The following FPGS variants were observed in gnomAD, a reference collection of about 807,000 sequenced individuals.
FPGS encodes folylpolyglutamate synthase.
In FPGS, 53 loss-of-function variants were observed where a neutral mutation model predicts 66.5. That is an observed-to-expected ratio of 0.80 (90% CI 0.64 to 1.00). The LOEUF (loss-of-function observed/expected upper bound fraction) is 1.00. FPGS is among the 50% of genes least tolerant of loss of function. The probability of loss-of-function intolerance (pLI) is 0.00; values close to 1 mark genes in which losing one functional copy is unlikely to be tolerated. For missense variants in FPGS, 702 were observed against 807.7 expected (o/e 0.87, Z 1.59); for synonymous variants, 348 against 350.9 (o/e 0.99, Z 0.09).
At chr9:127,813,085 G>C in intron 14 of FPGS, 110 bp from the exon 15 acceptor site, 1 of 1,456,836 alleles carries the variant, frequency 6.9e-7, no homozygotes, top group South Asian at 1.4e-5. Context: ...GCCTGATGAC[G>C]TAAAAGGCTT....
At chr9:127,809,439 G>A (rs1829966025) in intron 11 of FPGS, among the ~76,000 whole-genome samples, 1 of 152,180 alleles carries the variant, frequency 6.6e-6, no homozygotes, top group Non-Finnish European at 1.5e-5. Flanking sequence ...CCCAGCTAAG[G>A]GCTCTCAGGC....
chr9:127,802,905 C>CTGCCGGGGGCGCCGGGACTA lies in FPGS; in HGVS notation c.-17_3dup. The CTGCCGGGGGCGCCGGGACTA allele has an allele frequency of 7.4e-7, 1 of 1,353,410 alleles. No homozygotes were observed. The highest frequency in any genetic ancestry group is 9.4e-7 in the Non-Finnish European group (1 of 1,059,156). 83.8% of individuals were successfully genotyped at this position (1,353,410 alleles called of 1,614,324 possible). A position where few individuals can be genotyped will look rare whatever the true frequency, so the allele number is the denominator to read the frequency against. On this transcript the variant is annotated 5_prime_UTR_variant, in exon 1 of 15. In the 5' UTR this introduces an upstream ATG that the reference lacks. Coordinates refer to ENST00000373247, the MANE Select transcript of FPGS (RefSeq NM_004957.6). ...GCGTCTCCCGCCCGGGCCTAGAGCG[C>CTGCCGGGGGCGCCGGGACTA]TGCCGGGGGCGCCGGGACTATGTCG...
At chr9:127,814,382 C>T (rs1830230200), downstream of FPGS, 2 of 159,100 alleles carry the variant, frequency 1.3e-5, no homozygotes, top group African/African-American at 4.8e-5. Context: ...CACGGTGGCT[C>T]ACGCCTGTAA....
At chr9:127,804,925 A>G (rs562800787) in intron 4 of FPGS, 35 of 512,700 alleles carry the variant, frequency 6.8e-5, no homozygotes, top group African/African-American at 3.8e-4. Flanking sequence ...GTCTCACTCT[A>G]TCGCCCAGGC....
In FPGS at chr9:127,813,910, G is replaced by A; in HGVS notation, c.*306G>A. ...TCCTGGCTCAGGCCCAGCTTATTGT[G>A]TGCGCTGCCTGGCCAGGCCCTGGGT... On this transcript the variant is annotated 3_prime_UTR_variant, in exon 15 of 15. Transcript: ENST00000373247. 8.6e-7 allele frequency: 1 copy of A among 1,162,380 alleles called. No individual in the cohort carries two copies. Among genetic ancestry groups the A allele is most frequent in the Non-Finnish European group, 1.1e-6 (1 of 943,894 alleles). The allele number at this position is 1,162,380 out of a possible 1,614,324, so 72.0% of individuals were successfully genotyped here. A position where few individuals can be genotyped will look rare whatever the true frequency, so the allele number is the denominator to read the frequency against.
At chr9:127,808,502 G>T in intron 9 of FPGS, 56 bp from the exon 10 acceptor site, 1 of 1,602,696 alleles carries the variant, frequency 6.2e-7, no homozygotes. Flanking sequence ...AGAGATGCAA[G>T]GGCTGACGTG....
Position 127,804,276 on chromosome 9 carries a change from G to T in FPGS, c.139-9G>T. Reference sequence around the variant, plus strand: ...CCTTAACCTACTATCTGGGCACTGTGGTTGCCAGGATGCCGTGCGCATGCT... The same window carrying T: ...CCTTAACCTACTATCTGGGCACTGTTGTTGCCAGGATGCCGTGCGCATGCT... On this transcript the variant is annotated splice_polypyrimidine_tract_variant and intron_variant, in intron 1 of 14. Coordinates refer to ENST00000373247, the MANE Select transcript of FPGS (RefSeq NM_004957.6). The T allele has an allele frequency of 6.2e-7, 1 of 1,613,526 alleles. No homozygotes were observed. Among genetic ancestry groups the T allele is most frequent in the Non-Finnish European group, 8.5e-7 (1 of 1,179,668 alleles).
chr9:127,803,419 CAG>C, intron 1 of FPGS: 2 of 1,040,080 alleles, frequency 1.9e-6, no homozygotes, highest in Non-Finnish European at 2.3e-6. Context: ...GGAAGAGACT[CAG>C]GAATTCAGGC....
Position 127,807,193 on chromosome 9 carries a change from T to C in FPGS, c.502-16T>C, listed in dbSNP as rs1320320911. ...GCTGCATGGGCTCTGGGCCCTGACA[T>C]GTCCCTGTGCCACAGGATGGCAGCT... On this transcript the variant is annotated splice_polypyrimidine_tract_variant and intron_variant, in intron 5 of 14. Coordinates refer to ENST00000373247, the MANE Select transcript of FPGS (RefSeq NM_004957.6). This position sits in a 1 kb window ranked among gnomAD's most constrained non-coding sequence, Gnocchi z 5.8. 3 of 1,613,966 alleles carry C rather than the reference T, an allele frequency of 1.9e-6. No individual in the cohort carries two copies. The highest frequency in any genetic ancestry group is 2.2e-5 in the East Asian group (1 of 44,880).
At chr9:127,812,923 G>A (rs766392191) in intron 14 of FPGS, among the ~76,000 whole-genome samples, 1 of 152,210 alleles carries the variant, frequency 6.6e-6, no homozygotes, top group Non-Finnish European at 1.5e-5. Flanking sequence ...GAGACAATGA[G>A]GCCAGAGTGG....
Position 127,809,793 on chromosome 9 carries a change from C to T in FPGS, c.1170C>T (p.Arg390=). The part of the protein sequence containing the change: ...HTASSAQACV[R]WFRQALQGRE... The stretch of plus-strand genomic sequence containing the variant: ...CCAGCAGCGCGCAGGCCTGCGTGCG[C>T]TGGTTCCGCCAGGCGCTGCAGGGCC... Residue 390 remains arginine (R), a synonymous_variant, in exon 12 of 15, where the codon CGC becomes CGT. Coordinates refer to ENST00000373247, the MANE Select transcript of FPGS (RefSeq NM_004957.6). The T allele has an allele frequency of 6.6e-7, 1 of 1,510,880 alleles. No individual in the cohort carries two copies. The highest frequency in any genetic ancestry group is 8.8e-7 in the Non-Finnish European group (1 of 1,140,604). 93.6% of individuals were successfully genotyped at this position (1,510,880 alleles called of 1,614,324 possible). A position where few individuals can be genotyped will look rare whatever the true frequency, so the allele number is the denominator to read the frequency against.
chr9:127,809,587 G>T, intron 11 of FPGS, 97 bp from the exon 12 acceptor site: 1 of 1,251,148 alleles, frequency 8.0e-7, no homozygotes, highest in Non-Finnish European at 1.1e-6. Flanking sequence ...GAGGGCGGGC[G>T]CAGCCTGCAG....
intron 4 of FPGS, among the ~76,000 whole-genome samples, chr9:127,805,181 G>T (rs1266399058): frequency 6.6e-6 from 1 of 152,036 alleles, no homozygotes; most frequent in African/African-American, 2.4e-5. Context: ...GAGCCACGGT[G>T]CCTGGCCTTA....
In FPGS at chr9:127,808,578, G is replaced by T. The variant is rs752458887; in HGVS notation, c.843G>T (p.Pro281=). 1 of 1,612,610 alleles carries T rather than the reference G, an allele frequency of 6.2e-7. No individual in the cohort carries two copies. The highest frequency in any genetic ancestry group is 1.7e-5 in the Admixed American group (1 of 59,978). The stretch of plus-strand genomic sequence containing the variant: ...CCTAGTGTCCTCTATACCTGTGTCC[G>T]ATGCTGGAGGCCCTCGAGGAAGGGG... The part of the protein sequence containing the change: ...QQISCPLYLC[P]MLEALEEGGP... The change falls in exon 10 of 15, where the codon CCG becomes CCT. Residue 281 remains proline (P), a synonymous_variant. Transcript: ENST00000373247.
Position 127,813,671 on chromosome 9 carries a change from C to G in FPGS, c.*67C>G. On this transcript the variant is annotated 3_prime_UTR_variant, in exon 15 of 15. Transcript: ENST00000373247. The stretch of plus-strand genomic sequence containing the variant: ...TGCGTTCTCCCCATGAACTTACATA[C>G]TAGGTGCCTTTTGTTTTTGGCTTTC... The G allele has an allele frequency of 1.4e-6, 2 of 1,463,312 alleles. No homozygotes were observed. Among genetic ancestry groups the G allele is most frequent in the Non-Finnish European group, 1.8e-6 (2 of 1,107,834 alleles). The allele number at this position is 1,463,312 out of a possible 1,614,324, so 90.6% of individuals were successfully genotyped here. A position where few individuals can be genotyped will look rare whatever the true frequency, so the allele number is the denominator to read the frequency against.
chr9:127,807,522 G>C lies in FPGS; in HGVS notation c.641+40G>C, dbSNP rs1290221021. On this transcript the variant is annotated intron_variant, in intron 7 of 14. Transcript: ENST00000373247. This position sits in a 1 kb window ranked among gnomAD's most constrained non-coding sequence, Gnocchi z 5.8. ...TTGGGACGAGGGGTGGCAGCCAGGA[G>C]CACAGCCTCACCTGCCGCCTGGTGG... is the stretch of plus-strand genomic sequence containing the variant. 6.2e-7 allele frequency: 1 copy of C among 1,613,118 alleles called. No homozygotes were observed. Among genetic ancestry groups the C allele is most frequent in the Admixed American group, 1.7e-5 (1 of 59,892 alleles).
chr9:127,807,564 A>G lies in FPGS; in HGVS notation c.642-22A>G. ...GCCTGGTGGCTCAGGGCAGGGCCTC[A>G]TGGCCTTTTCCTCCCCTGCAGGAAG... On this transcript the variant is annotated intron_variant, in intron 7 of 14. Coordinates refer to ENST00000373247, the MANE Select transcript of FPGS (RefSeq NM_004957.6). This position sits in a 1 kb window ranked among gnomAD's most constrained non-coding sequence, Gnocchi z 5.8. 1 of 1,612,496 alleles carries G rather than the reference A, an allele frequency of 6.2e-7. No individual in the cohort carries two copies. Among genetic ancestry groups the G allele is most frequent in the South Asian group, 1.1e-5 (1 of 91,048 alleles).
At chr9:127,814,103 A>C (rs983852801), downstream of FPGS, 27 of 986,332 alleles carry the variant, frequency 2.7e-5, no homozygotes, top group Non-Finnish European at 3.1e-5. Context: ...CTGCTCCCTC[A>C]GCAGAGACGG....
Position 127,813,966 on chromosome 9 carries a change from C to T in FPGS, c.*362C>T, listed in dbSNP as rs1042461725. On this transcript the variant is annotated 3_prime_UTR_variant, in exon 15 of 15. Transcript: ENST00000373247. ...CATGTGCTGGGTGGTAGATTTCCTC[C>T]TCCCAGTGCCTTCTGGGAAGGGAGA... 4 of 1,070,728 alleles carry T rather than the reference C, an allele frequency of 3.7e-6. No homozygotes were observed. Among genetic ancestry groups the T allele is most frequent in the Non-Finnish European group, 3.4e-6 (3 of 886,052 alleles). 66.3% of individuals were successfully genotyped at this position (1,070,728 alleles called of 1,614,324 possible).
Sources: gnomAD v4.1 joint callset for allele counts (sites outside exome capture counted in the v4.1 genomes callset) on GRCh38, gnomAD v4.1.1 for gene constraint, Gnocchi (gnomAD v3.1) non-coding constraint, MANE v1.5 for transcripts, NCBI Gene and HGNC (gene_info 2026-07-23, HGNC 2026-07-21) for gene names.